MSRA: variants seen among roughly 807,000 people sequenced by gnomAD.
MSRA encodes mitochondrial peptide methionine sulfoxide reductase.
Under a neutral mutation model 31.3 loss-of-function variants are expected in MSRA, and 54 were observed. The observed-to-expected ratio is 1.73, with a 90% confidence interval of 1.39 to 2.17. The LOEUF (loss-of-function observed/expected upper bound fraction) is 2.17. MSRA is among the 30% of genes most tolerant of loss of function. The pLI is 0.00. For synonymous variants in MSRA, 169 were observed against 116.5 expected (o/e 1.45, Z -2.90); for missense variants, 507 against 300.9 (o/e 1.69, Z -5.07).
At chr8:10,117,569 G>A (rs1800777390) in intron 1 of MSRA, among the ~76,000 whole-genome samples, 1 of 152,160 alleles carries the variant, frequency 6.6e-6, no homozygotes, top group Admixed American at 6.5e-5. Context: ...GCTGTTGGGA[G>A]CATGTCTTTT....
At chr8:10,150,581 C>G (rs1803578258) in intron 1 of MSRA, among the ~76,000 whole-genome samples, 1 of 152,062 alleles carries the variant, frequency 6.6e-6, no homozygotes, top group Non-Finnish European at 1.5e-5. Context: ...TATATGACCT[C>G]AAATCTACAG....
At chr8:10,334,366 G>C (rs1263763655) in intron 5 of MSRA, among the ~76,000 whole-genome samples, 1 of 152,088 alleles carries the variant, frequency 6.6e-6, no homozygotes, top group Non-Finnish European at 1.5e-5. Context: ...CAGGTAGATG[G>C]ATAAGCCTGG....
intron 1 of MSRA, among the ~76,000 whole-genome samples, chr8:10,060,624 C>G (rs1802659833): frequency 6.6e-6 from 1 of 150,864 alleles, no homozygotes; most frequent in African/African-American, 2.4e-5. Context: ...CATCTTTTGT[C>G]ATACTTACTT....
intron 1 of MSRA, among the ~76,000 whole-genome samples, chr8:10,060,217 C>T (rs1802632087): frequency 6.6e-6 from 1 of 152,160 alleles, no homozygotes; most frequent in Admixed American, 6.5e-5. Flanking sequence ...ACCCAGGTGC[C>T]TATCAGTAGT....
At chr8:10,263,489 C>T (rs865964712) in intron 3 of MSRA, among the ~76,000 whole-genome samples, 3 of 152,174 alleles carry the variant, frequency 2.0e-5, no homozygotes, top group African/African-American at 4.8e-5. Flanking sequence ...TTCTGAAAAC[C>T]CTGTATCTCC....
At chr8:10,405,183 A>G (rs1038151679) in intron 5 of MSRA, among the ~76,000 whole-genome samples, 23 of 152,064 alleles carry the variant, frequency 1.5e-4, no homozygotes, top group Non-Finnish European at 2.9e-4. Flanking sequence ...GTGCCAGGTC[A>G]CTGAGCCCAG....
intron 4 of MSRA, among the ~76,000 whole-genome samples, chr8:10,315,220 G>A (rs996712661): frequency 6.6e-6 from 1 of 152,202 alleles, no homozygotes; most frequent in Admixed American, 6.5e-5. Context: ...TGGAGCTACA[G>A]CTCAAGATGA....
chr8:10,295,049 A>G (rs1201553332), intron 3 of MSRA, among the ~76,000 whole-genome samples: 1 of 152,156 alleles, frequency 6.6e-6, no homozygotes, highest in Non-Finnish European at 1.5e-5. Context: ...TAGGACTTAC[A>G]TAGCAGGCAC....
chr8:10,403,747 A>C (rs73662828), intron 5 of MSRA, among the ~76,000 whole-genome samples: 1,896 of 152,320 alleles, frequency 0.012, 31 homozygotes, highest in African/African-American at 0.043. Context: ...TGTAGCAGCG[A>C]TGCCGGTGGC....
chr8:10,262,652 C>T (rs2129094583), intron 3 of MSRA, among the ~76,000 whole-genome samples: 1 of 152,250 alleles, frequency 6.6e-6, no homozygotes, highest in East Asian at 1.9e-4. Context: ...CAGTCTGTGG[C>T]TTGCCTTTTC....
intron 3 of MSRA, among the ~76,000 whole-genome samples, chr8:10,247,375 A>G (rs1563265640): frequency 6.6e-6 from 1 of 152,210 alleles, no homozygotes; most frequent in Non-Finnish European, 1.5e-5. Context: ...AGCTGTCATC[A>G]TATCCCAGCC....
At chr8:10,127,285 G>C (rs914540604) in intron 1 of MSRA, among the ~76,000 whole-genome samples, 1 of 152,164 alleles carries the variant, frequency 6.6e-6, no homozygotes, top group Admixed American at 6.5e-5. Flanking sequence ...GCCAAGGTCT[G>C]TTTGCAAAAA....
chr8:10,161,942 C>T (rs1025358965), intron 1 of MSRA, among the ~76,000 whole-genome samples: 10 of 152,076 alleles, frequency 6.6e-5, no homozygotes, highest in South Asian at 2.1e-4. Context: ...CAGGGTGGTC[C>T]GGAGGTCTGA....
intron 1 of MSRA, among the ~76,000 whole-genome samples, chr8:10,141,338 C>G: frequency 6.6e-6 from 1 of 152,172 alleles, no homozygotes; most frequent in East Asian, 1.9e-4. Flanking sequence ...AGAAAAGTTT[C>G]CATGACTTGT....
intron 1 of MSRA, among the ~76,000 whole-genome samples, chr8:10,111,675 CAT>C (rs1264464837): frequency 1.3e-5 from 2 of 152,124 alleles, no homozygotes; most frequent in African/African-American, 2.4e-5. Context: ...TGTTCTTGTT[CAT>C]GTTATTGGGC....
intron 3 of MSRA, among the ~76,000 whole-genome samples, chr8:10,262,943 A>G (rs917927822): frequency 5.3e-5 from 8 of 151,908 alleles, no homozygotes; most frequent in Non-Finnish European, 1.0e-4. Context: ...TGTGCTTCTG[A>G]TGACTTTAGT....
intron 3 of MSRA, among the ~76,000 whole-genome samples, chr8:10,248,720 C>A (rs1585269962): frequency 6.6e-6 from 1 of 152,214 alleles, no homozygotes; most frequent in East Asian, 1.9e-4. Context: ...GATAACATGG[C>A]TTCTCATAGT....
At chr8:10,249,134 C>G (rs1443270017) in intron 3 of MSRA, among the ~76,000 whole-genome samples, 1 of 145,998 alleles carries the variant, frequency 6.8e-6, no homozygotes, top group African/African-American at 2.4e-5. Context: ...TAAGTTGTAT[C>G]ACTAACCTCG....
chr8:10,136,667 C>T (rs888897553), intron 1 of MSRA, among the ~76,000 whole-genome samples: 2 of 152,194 alleles, frequency 1.3e-5, no homozygotes, highest in African/African-American at 2.4e-5. Context: ...AGATGCAGGC[C>T]TTCCAGAAGC....
Sources: gnomAD v4.1 joint callset for allele counts (sites outside exome capture counted in the v4.1 genomes callset) on GRCh38, gnomAD v4.1.1 for gene constraint, MANE v1.5 for transcripts, NCBI Gene and HGNC (gene_info 2026-07-23, HGNC 2026-07-21) for gene names.